AP1B1: variants seen among roughly 807,000 people sequenced by gnomAD.
AP1B1 encodes AP-1 complex subunit beta-1.
A neutral mutation model predicts 104.3 loss-of-function variants in AP1B1; 36 were observed. That is an observed-to-expected ratio of 0.35 (90% CI 0.26 to 0.46). AP1B1 has a LOEUF of 0.46. AP1B1 is among the 20% of genes least tolerant of loss of function. AP1B1 has a pLI of 1.00. For missense variants in AP1B1, 901 were observed against 1,247.9 expected (o/e 0.72, Z 4.19); for synonymous variants, 504 against 517.5 (o/e 0.97, Z 0.35).
chr22:29,328,936 C>T lies in AP1B1; in HGVS notation c.2776-41G>A. On this transcript the variant is annotated intron_variant, in intron 22 of 22. Coordinates refer to ENST00000357586, the MANE Select transcript of AP1B1 (RefSeq NM_001127.4). The surrounding 1 kb of genome is among the most constrained non-coding windows in gnomAD (Gnocchi z 4.1). ...GGGTCGGGGGAAAGAGCGCTCATCC[C>T]TGGGGTTCCTCTCAGGAAGGAAAGG... 3.8e-6 allele frequency: 6 copies of T among 1,586,808 alleles called. No individual in the cohort carries two copies. The highest frequency in any genetic ancestry group is 5.1e-6 in the Non-Finnish European group (6 of 1,169,506).
intron 1 of AP1B1, among the ~76,000 whole-genome samples, chr22:29,378,901 T>C (rs1175697365): frequency 1.3e-5 from 2 of 148,802 alleles, no homozygotes; most frequent in South Asian, 2.1e-4. Context: ...TGAGGCCCAC[T>C]AGCAATTAAA....
chr22:29,334,380 G>T lies in AP1B1; in HGVS notation c.2194C>A (p.Leu732Met). ...VWLPAMKAKG[L>M]EISGTFTRQV... is the part of the protein sequence containing the mutation. ...CGGGTGAAGGTGCCTGAGATCTCCA[G>T]CCCCTTAGCCTTCATGGCTGGGAGC... is the stretch of plus-strand genomic sequence containing the variant. Residue 732 changes from leucine (L) to methionine (M), a missense_variant, in exon 17 of 23, where the codon CTG becomes ATG. By Grantham distance (15) the Leu-to-Met change is conservative. Around this residue, in one of 3 missense-constraint regions of AP1B1, gnomAD observed 424 missense variants for 494.0 expected, o/e 0.86. Transcript: ENST00000357586. 6.2e-7 allele frequency: 1 copy of T among 1,608,350 alleles called. No homozygotes were observed. The highest frequency in any genetic ancestry group is 8.5e-7 in the Non-Finnish European group (1 of 1,178,248).
In AP1B1 at chr22:29,356,464, G is replaced by A. The variant is rs370205423; in HGVS notation, c.678C>T (p.Leu226=). Residue 226 remains leucine (L), a synonymous_variant, in exon 6 of 23, where the codon CTC becomes CTT. Transcript: ENST00000357586. ...GGTCGTCCTTGGGCATATAGTTGGC[G>A]AGGCAGTCCAGGATGAAGATCTGGC... ...EWGQIFILDC[L]ANYMPKDDRE... 153 of 1,614,194 alleles carry A rather than the reference G, an allele frequency of 9.5e-5. 1 individual carries two copies. In the African/African-American group the frequency reaches 1.0e-3, roughly 11 times the overall value.
At chr22:29,366,512 C>G (rs1034445933) in intron 2 of AP1B1, among the ~76,000 whole-genome samples, 1 of 152,102 alleles carries the variant, frequency 6.6e-6, no homozygotes, top group Non-Finnish European at 1.5e-5. Flanking sequence ...GGTGTAATCC[C>G]AGCTACTTGG....
intron 16 of AP1B1, among the ~76,000 whole-genome samples, chr22:29,338,774 T>A (rs769547609): frequency 6.6e-6 from 1 of 152,176 alleles, no homozygotes; most frequent in Non-Finnish European, 1.5e-5. Flanking sequence ...TCCGCTTTTG[T>A]TCAGCTACTG....
chr22:29,359,248 A>G (rs973393203), intron 4 of AP1B1, among the ~76,000 whole-genome samples: 10 of 152,164 alleles, frequency 6.6e-5, no homozygotes, highest in African/African-American at 2.4e-4. Flanking sequence ...AAAGGCTAGG[A>G]GCTCATCTGA....
chr22:29,339,528 G>A (rs1358505167), intron 15 of AP1B1, among the ~76,000 whole-genome samples: 1 of 152,018 alleles, frequency 6.6e-6, no homozygotes, highest in Non-Finnish European at 1.5e-5. Context: ...ACAAGGCGAC[G>A]TGTCATGGGG....
At chr22:29,329,916 C>CG in intron 21 of AP1B1, 196 bp from the exon 22 acceptor site, 1 of 1,434,518 alleles carries the variant, frequency 7.0e-7, no homozygotes, top group Non-Finnish European at 9.1e-7. Context: ...TGGGGCTGTC[C>CG]GGGGCCCTGG....
chr22:29,341,403 G>A, intron 13 of AP1B1, 98 bp downstream of exon 13: 2 of 1,475,944 alleles, frequency 1.4e-6, no homozygotes, highest in Middle Eastern at 2.4e-4. Flanking sequence ...TCAGACTCAG[G>A]TCTTGCTGGG....
At position 29,330,364 on chromosome 22, in the gene AP1B1, G is replaced by A. The variant is rs2061538517; in HGVS notation, c.2766+14C>T. The A allele has an allele frequency of 1.9e-6, 3 of 1,612,650 alleles. No individual in the cohort carries two copies. The highest frequency in any genetic ancestry group is 2.5e-6 in the Non-Finnish European group (3 of 1,179,618). On this transcript the variant is annotated intron_variant, in intron 21 of 22. Coordinates refer to ENST00000357586, the MANE Select transcript of AP1B1 (RefSeq NM_001127.4). ...GAGGCTCCAAGGCTGCAGGGCGGGTGCCGGGGCTCTCACCGTGCAGCTGGG... is the reference window on the plus strand; with the variant it reads ...GAGGCTCCAAGGCTGCAGGGCGGGTACCGGGGCTCTCACCGTGCAGCTGGG...
chr22:29,359,290 C>A (rs893072199), intron 4 of AP1B1, among the ~76,000 whole-genome samples: 2 of 152,210 alleles, frequency 1.3e-5, no homozygotes, highest in Admixed American at 6.5e-5. Flanking sequence ...TTCAAACCCA[C>A]ATCCACCTAG....
At chr22:29,369,080 G>A (rs923597786) in intron 1 of AP1B1, among the ~76,000 whole-genome samples, 41 of 152,176 alleles carry the variant, frequency 2.7e-4, no homozygotes, top group African/African-American at 8.9e-4. Context: ...CTTTTGTTGC[G>A]TCTATGGAAG....
At chr22:29,380,510 G>A (rs114565422) in intron 1 of AP1B1, among the ~76,000 whole-genome samples, 144 of 152,180 alleles carry the variant, frequency 9.5e-4, no homozygotes, top group African/African-American at 3.3e-3. Flanking sequence ...CTGACCTCCT[G>A]CTTCCTTCCT....
At chr22:29,379,175 G>A (rs1004482935) in intron 1 of AP1B1, among the ~76,000 whole-genome samples, 5 of 152,162 alleles carry the variant, frequency 3.3e-5, no homozygotes, top group African/African-American at 4.8e-5. Flanking sequence ...CCAACATGGC[G>A]AAACCTATCT....
intron 1 of AP1B1, among the ~76,000 whole-genome samples, chr22:29,388,098 T>G (rs1423258433): frequency 2.0e-5 from 3 of 151,866 alleles, no homozygotes; most frequent in East Asian, 1.9e-4. Context: ...GCCATGGAGG[T>G]GAGTCCGAAA....
At chr22:29,373,684 C>G (rs1602794862) in intron 1 of AP1B1, among the ~76,000 whole-genome samples, 1 of 152,152 alleles carries the variant, frequency 6.6e-6, no homozygotes, top group Non-Finnish European at 1.5e-5. Context: ...GGGTGGATCA[C>G]CTGCGGCCAG....
intron 11 of AP1B1, among the ~76,000 whole-genome samples, chr22:29,345,778 G>A (rs976547186): frequency 1.3e-5 from 2 of 152,146 alleles, no homozygotes; most frequent in African/African-American, 2.4e-5. Flanking sequence ...TCCGCCTCCC[G>A]TGTTCAAGCG....
At chr22:29,356,277 C>A (rs2061956244) in intron 6 of AP1B1, 149 bp downstream of exon 6, 1 of 807,692 alleles carries the variant, frequency 1.2e-6, no homozygotes, top group Non-Finnish European at 1.9e-6. Flanking sequence ...GGGAAGCAGG[C>A]AGGCCTCCCT....
intron 11 of AP1B1, among the ~76,000 whole-genome samples, chr22:29,345,011 C>T (rs932189195): frequency 2.6e-5 from 4 of 152,168 alleles, no homozygotes; most frequent in Admixed American, 2.6e-4. Context: ...AGTGAGATTT[C>T]GCCACTAAAA....
Sources: allele counts gnomAD v4.1 joint callset (sites outside exome capture counted in the v4.1 genomes callset), GRCh38; gene constraint gnomAD v4.1.1; regional missense constraint gnomAD v4.1.1; non-coding constraint Gnocchi (gnomAD v3.1); transcripts MANE v1.5; gene names NCBI Gene and HGNC (gene_info 2026-07-23, HGNC 2026-07-21).